IFT172: variants seen among roughly 807,000 people sequenced by gnomAD.
IFT172 encodes intraflagellar transport 172.
In IFT172, 164 loss-of-function variants were observed where a neutral mutation model predicts 248.9. The ratio of observed to expected loss-of-function variants is 0.66; its 90% confidence interval spans 0.58 to 0.75. The LOEUF (loss-of-function observed/expected upper bound fraction) is 0.75, where lower values mean the gene tolerates loss of function less well. Among genes scored for constraint, IFT172 ranks in the 30% least tolerant of loss-of-function variants. The pLI is 0.00. For missense variants in IFT172, 1,950 were observed against 2,192.4 expected, an observed-to-expected ratio of 0.89 and a Z score of 2.21; for synonymous variants, 729 against 791.6, an observed-to-expected ratio of 0.92 and a Z score of 1.33.
In IFT172 at chr2:27,478,064, T is replaced by C. The variant is rs1668096388; in HGVS notation, c.1098A>G (p.Glu366=). The C allele has an allele frequency of 6.2e-7, 1 of 1,614,188 alleles. No homozygotes were observed. The highest frequency in any genetic ancestry group is 1.3e-5 in the African/African-American group (1 of 75,056). ...CTGATGTGTGAGCCACCAAGTAACG[T>C]TCCTTTCCTAGGATTTTCACCTCTT... ...EVEEVKILGK[E]RYLVAHTSET... The change falls in exon 11 of 48, where the codon GAA becomes GAG. Residue 366 remains glutamate (E), a synonymous_variant. Coordinates refer to ENST00000260570, the MANE Select transcript of IFT172 (RefSeq NM_015662.3).
intron 1 of IFT172, 133 bp from the exon 2 acceptor site, chr2:27,485,636 A>C: frequency 1.9e-6 from 2 of 1,052,812 alleles, no homozygotes; most frequent in Non-Finnish European, 2.7e-6. Context: ...AAACAAAGAG[A>C]TGCCTGTGGC....
intron 42 of IFT172, 148 bp downstream of exon 42, chr2:27,447,367 G>T (rs983772236): frequency 4.8e-6 from 6 of 1,242,266 alleles, no homozygotes; most frequent in African/African-American, 3.0e-5. Flanking sequence ...AAGGGCTAAA[G>T]ATTTGTTTAG....
At chr2:27,451,131 A>G (rs1177961169) in intron 35 of IFT172, among the ~76,000 whole-genome samples, 1 of 152,064 alleles carries the variant, frequency 6.6e-6, no homozygotes, top group African/African-American at 2.4e-5. Flanking sequence ...CAATGAGATC[A>G]CTCTGTTTCC....
At position 27,459,512 on chromosome 2, in the gene IFT172, T is replaced by C. The variant is rs975731134; in HGVS notation, c.2653A>G (p.Lys885Glu). ...NHYIEARCSI[K>E]AIEAALGARQ... Reference sequence around the variant, plus strand: ...GCACCCAGGGCGGCCTCAATTGCCTTAATGGAGCACCTGGCAAAGTTGGGA... The same window carrying C: ...GCACCCAGGGCGGCCTCAATTGCCTCAATGGAGCACCTGGCAAAGTTGGGA... Residue 885 changes from lysine (K) to glutamate (E), a missense_variant, in exon 25 of 48, where the codon AAG becomes GAG. Coordinates refer to ENST00000260570, the MANE Select transcript of IFT172 (RefSeq NM_015662.3). The C allele has an allele frequency of 2.2e-5, 36 of 1,613,984 alleles. No individual in the cohort carries two copies. Among genetic ancestry groups the C allele is most frequent in the Non-Finnish European group, 3.0e-5 (35 of 1,180,006 alleles).
Position 27,446,002 on chromosome 2 carries a change from G to GAGTT in IFT172, c.4756-18_4756-15dup, listed in dbSNP as rs982399754. 6.2e-7 allele frequency: 1 copy of GAGTT among 1,614,230 alleles called. No individual in the cohort carries two copies. Among genetic ancestry groups the GAGTT allele is most frequent in the African/African-American group, 1.3e-5 (1 of 75,056 alleles). ...CCAGCCAACTGCCTGCAGCAAAGAA[G>GAGTT]AGTTGCAAATGGGAGTGAACAAGCT... On this transcript the variant is annotated splice_polypyrimidine_tract_variant and intron_variant, in intron 43 of 47. Coordinates refer to ENST00000260570, the MANE Select transcript of IFT172 (RefSeq NM_015662.3).
intron 42 of IFT172, 107 bp downstream of exon 42, chr2:27,447,408 G>C (rs1222230224): frequency 6.2e-6 from 9 of 1,461,310 alleles, no homozygotes; most frequent in Admixed American, 2.0e-5. Context: ...CAGGTGGGGA[G>C]ATTCAAGAGC....
At position 27,483,669 on chromosome 2, in the gene IFT172, G is replaced by A; in HGVS notation, c.403-10C>T. The A allele has an allele frequency of 6.2e-7, 1 of 1,613,350 alleles. No individual in the cohort carries two copies. On this transcript the variant is annotated splice_polypyrimidine_tract_variant and intron_variant, in intron 5 of 47. Coordinates refer to ENST00000260570, the MANE Select transcript of IFT172 (RefSeq NM_015662.3). ...TGTTTGCTAAACGAACCTGAAAATGGAAAAATTGATACAAGTATGGTTAGG... is the reference window on the plus strand; with the variant it reads ...TGTTTGCTAAACGAACCTGAAAATGAAAAAATTGATACAAGTATGGTTAGG...
At chr2:27,455,662 G>C in intron 30 of IFT172, 2 of 242,810 alleles carry the variant, frequency 8.2e-6, no homozygotes, top group East Asian at 1.4e-4. Flanking sequence ...AGTGAGCCAA[G>C]GTTGCACCAC....
chr2:27,458,321 A>G, intron 26 of IFT172, 98 bp from the exon 27 acceptor site: 1 of 990,582 alleles, frequency 1.0e-6, no homozygotes, highest in East Asian at 2.4e-5. Flanking sequence ...AACTCTCCCA[A>G]CAATCACAGG....
intron 15 of IFT172, 135 bp from the exon 16 acceptor site, chr2:27,471,230 G>A (rs1242964253): frequency 1.3e-6 from 1 of 777,750 alleles, no homozygotes; most frequent in Non-Finnish European, 2.0e-6. Context: ...AAAGCTTACT[G>A]ACCTGCTTTC....
Position 27,489,590 on chromosome 2 carries a change from GAGGGACTGGC to G in IFT172, c.39+15_39+24del. ...TTCTTGGAACATAAAGCATAAGGGG[GAGGGACTGGC>G]ACGCAATTCCTCACCTGAGGGCTCA... On this transcript the variant is annotated intron_variant, in intron 1 of 47. Coordinates refer to ENST00000260570, the MANE Select transcript of IFT172 (RefSeq NM_015662.3). 1 of 1,592,920 alleles carries G rather than the reference GAGGGACTGGC, an allele frequency of 6.3e-7. No individual in the cohort carries two copies. The highest frequency in any genetic ancestry group is 8.6e-7 in the Non-Finnish European group (1 of 1,161,164).
At position 27,447,927 on chromosome 2, in the gene IFT172, A is replaced by T; in HGVS notation, c.4429-5T>A. 19 of 1,555,158 alleles carry T rather than the reference A, an allele frequency of 1.2e-5. No individual in the cohort carries two copies. The highest frequency in any genetic ancestry group is 1.7e-5 in the Non-Finnish European group (19 of 1,126,220). Reference sequence around the variant, plus strand: ...CCTTTTGTAGATATTGAAGTTCTAGAGGTAGAGGGAAGAAGGGGATCTGAG... The same window carrying T: ...CCTTTTGTAGATATTGAAGTTCTAGTGGTAGAGGGAAGAAGGGGATCTGAG... On this transcript the variant is annotated splice_region_variant and splice_polypyrimidine_tract_variant and intron_variant, in intron 40 of 47. Coordinates refer to ENST00000260570, the MANE Select transcript of IFT172 (RefSeq NM_015662.3).
chr2:27,485,227 C>T, intron 2 of IFT172, 97 bp from the exon 3 acceptor site: 1 of 1,481,188 alleles, frequency 6.8e-7, no homozygotes, highest in Non-Finnish European at 9.3e-7. Flanking sequence ...CCTAAGGGAG[C>T]TTGAGGATTT....
chr2:27,455,672 C>T, intron 30 of IFT172: 1 of 259,408 alleles, frequency 3.9e-6, no homozygotes, highest in South Asian at 3.8e-5. Flanking sequence ...GGTTGCACCA[C>T]TGCACTCCAG....
chr2:27,462,375 C>G (rs1666748433), intron 20 of IFT172, among the ~76,000 whole-genome samples: 1 of 152,028 alleles, frequency 6.6e-6, no homozygotes, highest in African/African-American at 2.4e-5. Flanking sequence ...ATTGTATAAG[C>G]TTCCGGCCCA....
At chr2:27,457,444 A>G (rs1379380393) in intron 29 of IFT172, among the ~76,000 whole-genome samples, 195 bp downstream of exon 29, 2 of 152,054 alleles carry the variant, frequency 1.3e-5, no homozygotes, top group African/African-American at 4.8e-5. Flanking sequence ...GGTGGTGCAC[A>G]CCTATAGTCC....
intron 7 of IFT172, among the ~76,000 whole-genome samples, chr2:27,481,806 T>C (rs1193561748): frequency 6.6e-6 from 1 of 151,920 alleles, no homozygotes; most frequent in East Asian, 1.9e-4. Context: ...CCCAAAGTGC[T>C]GGGATCACAG....
At chr2:27,467,636 A>G (rs13010854) in intron 16 of IFT172, among the ~76,000 whole-genome samples, 1 of 140,752 alleles carries the variant, frequency 7.1e-6, no homozygotes. Context: ...AAAAAAAAAA[A>G]GGAAATTATC....
At chr2:27,463,225 AATC>A (rs754627190) in intron 18 of IFT172, 44 bp from the exon 19 acceptor site, 31 of 1,520,500 alleles carry the variant, frequency 2.0e-5, no homozygotes, top group Non-Finnish European at 2.8e-5. Context: ...ATTATTATAG[AATC>A]ATCATTAATT....
Sources: gnomAD v4.1 joint callset for allele counts (sites outside exome capture counted in the v4.1 genomes callset) on GRCh38, gnomAD v4.1.1 for gene constraint, MANE v1.5 for transcripts, NCBI Gene and HGNC (gene_info 2026-07-23, HGNC 2026-07-21) for gene names.